Variants in IL16 observed in about 807,000 individuals in gnomAD.
IL16 encodes the protein pro-interleukin-16.
In IL16, 67 loss-of-function variants were observed where a neutral mutation model predicts 110.1. That is an observed-to-expected ratio of 0.61 (90% confidence interval 0.50 to 0.75). The LOEUF (loss-of-function observed/expected upper bound fraction) is 0.75. Among genes scored for constraint, IL16 ranks in the 30% least tolerant of loss-of-function variants. IL16 has a pLI of 0.00. For synonymous variants in IL16, 689 were observed against 662.9 expected, an observed-to-expected ratio of 1.04 and a Z score of -0.61; for missense variants, 1,545 against 1,655.0, an observed-to-expected ratio of 0.93 and a Z score of 1.15.
rs373307340 is a variant in IL16, at chr15:81,308,637, C to G, written c.3838C>G (p.Pro1280Ala). Residue 1280 changes from proline to alanine, a missense_variant, in exon 19 of 19, where the codon CCT becomes GCT. Around this residue, in one of 3 missense-constraint regions of IL16, gnomAD observed 356 missense variants for 399.3 expected, o/e 0.89. Transcript: ENST00000683961. ...CTCAGAACAAAGTGAGACAGTCCAG[C>G]CTGGAGATGAAATCTTACAGCTGGG... Reference protein sequence around the residue: ...AASEQSETVQPGDEILQLGGT... With the variant: ...AASEQSETVQAGDEILQLGGT... The G allele has an allele frequency of 1.2e-6, 2 of 1,613,006 alleles. No homozygotes were observed. The highest frequency in any genetic ancestry group is 2.7e-5 in the African/African-American group (2 of 74,866).
chr15:81,280,215 C>T (rs1057455228), intron 8 of IL16, among the ~76,000 whole-genome samples: 4 of 152,190 alleles, frequency 2.6e-5, no homozygotes, highest in African/African-American at 4.8e-5. Flanking sequence ...TTGCCACCCC[C>T]CCAGGTGGGG....
intron 8 of IL16, 77 bp downstream of exon 8, chr15:81,279,851 A>G (rs903638545): frequency 1.3e-5 from 17 of 1,267,420 alleles, no homozygotes; most frequent in African/African-American, 2.9e-5. Flanking sequence ...CTCACTTGGA[A>G]TCAGTCCAGA....
intron 2 of IL16, among the ~76,000 whole-genome samples, chr15:81,233,051 AC>A (rs1296108495): frequency 6.6e-6 from 1 of 152,200 alleles, no homozygotes; most frequent in Admixed American, 6.5e-5. Context: ...ATAGGACTAT[AC>A]AAATTTTCAA....
At chr15:81,256,738 A>G (rs1433936880) in intron 2 of IL16, among the ~76,000 whole-genome samples, 1 of 152,204 alleles carries the variant, frequency 6.6e-6, no homozygotes, top group African/African-American at 2.4e-5. Context: ...ATAAAATACA[A>G]ATTTCAAAGA....
At chr15:81,229,353 A>G (rs1896896090) in intron 2 of IL16, among the ~76,000 whole-genome samples, 1 of 152,042 alleles carries the variant, frequency 6.6e-6, no homozygotes, top group South Asian at 2.1e-4. Flanking sequence ...GGATGGTGGT[A>G]AGAGGTGGGA....
chr15:81,192,639 T>C (rs1566987593), upstream of IL16, among the ~76,000 whole-genome samples: 1 of 152,130 alleles, frequency 6.6e-6, no homozygotes, highest in East Asian at 1.9e-4. Flanking sequence ...AAACAGTTTT[T>C]AAAAGTAATT....
At chr15:81,236,055 G>GA (rs1488259257) in intron 2 of IL16, among the ~76,000 whole-genome samples, 1 of 152,174 alleles carries the variant, frequency 6.6e-6, no homozygotes, top group Non-Finnish European at 1.5e-5. Context: ...CCATAGAGTG[G>GA]AAAATCTTGC....
chr15:81,279,919 G>C, intron 8 of IL16, 145 bp downstream of exon 8: 2 of 685,334 alleles, frequency 2.9e-6, no homozygotes, highest in South Asian at 1.8e-5. Flanking sequence ...GAGCCAGGTC[G>C]AGTCTTCTGT....
At chr15:81,243,243 A>G (rs1318757833) in intron 2 of IL16, among the ~76,000 whole-genome samples, 1 of 129,644 alleles carries the variant, frequency 7.7e-6, no homozygotes, top group Non-Finnish European at 1.6e-5. Flanking sequence ...TGGCACAATC[A>G]TGGCTCACTG....
At chr15:81,276,452 C>T (rs926534916) in intron 6 of IL16, among the ~76,000 whole-genome samples, 2 of 152,176 alleles carry the variant, frequency 1.3e-5, no homozygotes, top group Non-Finnish European at 2.9e-5. Flanking sequence ...TGAATGCCCA[C>T]ATGGGCAGAG....
At chr15:81,220,937 A>C (rs1896594856) in intron 1 of IL16, among the ~76,000 whole-genome samples, 1 of 152,196 alleles carries the variant, frequency 6.6e-6, no homozygotes, top group Admixed American at 6.5e-5. Context: ...TTTTCAATTC[A>C]GCTCTATCCT....
At chr15:81,188,289 G>A (rs2141914649) in intron 1 of IL16, 1 of 455,894 alleles carries the variant, frequency 2.2e-6, no homozygotes, top group South Asian at 1.6e-5. Context: ...GGTGGAGAGG[G>A]GGAGGGTATA....
intron 13 of IL16, 143 bp downstream of exon 13, chr15:81,297,221 T>G (rs909138095): frequency 7.4e-6 from 6 of 809,078 alleles, no homozygotes; most frequent in Non-Finnish European, 9.4e-6. Context: ...AGTCAAGGGT[T>G]CCAGGTGCTG....
intron 2 of IL16, among the ~76,000 whole-genome samples, chr15:81,243,524 C>CT (rs1324082724): frequency 6.6e-6 from 1 of 151,602 alleles, no homozygotes; most frequent in Non-Finnish European, 1.5e-5. Flanking sequence ...TTGTAGTTTT[C>CT]TTTTTTTGTA....
intron 2 of IL16, among the ~76,000 whole-genome samples, chr15:81,233,988 T>G (rs1224890991): frequency 6.6e-6 from 1 of 152,136 alleles, no homozygotes; most frequent in Non-Finnish European, 1.5e-5. Context: ...TATAACTTTT[T>G]ATGTTTTCTT....
rs369121994 is a variant in IL16, at chr15:81,300,414, G to A, written c.3088G>A (p.Glu1030Lys). The A allele has an allele frequency of 3.2e-5, 51 of 1,614,026 alleles. No individual in the cohort carries two copies. Among genetic ancestry groups the A allele is most frequent in the Admixed American group, 1.0e-4 (6 of 60,000 alleles). The change falls in exon 14 of 19, where the codon GAA (glutamate) becomes AAA (lysine). Residue 1030 changes from glutamate to lysine, a missense_variant. Around this residue, in one of 3 missense-constraint regions of IL16, gnomAD observed 356 missense variants for 399.3 expected, o/e 0.89. Coordinates refer to ENST00000683961, the MANE Select transcript of IL16 (RefSeq NM_172217.5). ...EGASPTSSSN[E>K]DSAANGSAET... is the part of the protein sequence containing the mutation. Reference sequence around the variant, plus strand: ...GGCATCTCCAACATCATCATCCAACGAAGACTCAGCTGCAAATGGTTCTGC... The same window carrying A: ...GGCATCTCCAACATCATCATCCAACAAAGACTCAGCTGCAAATGGTTCTGC...
chr15:81,185,647 C>T (rs1377216288), intron 1 of IL16, among the ~76,000 whole-genome samples: 13 of 152,274 alleles, frequency 8.5e-5, no homozygotes. Flanking sequence ...AAGCACTGTG[C>T]TGGGCTCTGG....
chr15:81,244,510 A>G (rs745687706), intron 2 of IL16, among the ~76,000 whole-genome samples: 12 of 152,158 alleles, frequency 7.9e-5, no homozygotes, highest in Non-Finnish European at 1.6e-4. Context: ...ACTTAAAAAT[A>G]TACCACATCC....
intron 2 of IL16, among the ~76,000 whole-genome samples, chr15:81,247,780 C>G (rs1337004311): frequency 1.3e-5 from 2 of 152,176 alleles, no homozygotes; most frequent in African/African-American, 4.8e-5. Flanking sequence ...TCCCACCATC[C>G]TTAACCTCTA....
Sources: allele counts gnomAD v4.1 joint callset (sites outside exome capture counted in the v4.1 genomes callset), GRCh38; gene constraint gnomAD v4.1.1; regional missense constraint gnomAD v4.1.1; transcripts MANE v1.5; gene names NCBI Gene and HGNC (gene_info 2026-07-23, HGNC 2026-07-21).